Variants in NEDD9 observed in about 807,000 individuals in gnomAD.
NEDD9 encodes the protein neural precursor cell expressed, developmentally down-regulated 9.
In NEDD9, 26 loss-of-function variants were observed where a neutral mutation model predicts 76.6. The ratio of observed to expected loss-of-function variants is 0.34; its 90% CI spans 0.25 to 0.47. The LOEUF is 0.47. Ranked by LOEUF, NEDD9 falls within the 20% of genes least tolerant of loss-of-function variation. NEDD9 has a pLI of 1.00. For synonymous variants in NEDD9, 392 were observed against 414.2 expected, an observed-to-expected ratio of 0.95 and a Z score of 0.65; for missense variants, 937 against 1,058.5, an observed-to-expected ratio of 0.89 and a Z score of 1.59.
chr6:11,331,093 C>T (rs1227039058), intron 2 of NEDD9, among the ~76,000 whole-genome samples: 1 of 152,160 alleles, frequency 6.6e-6, no homozygotes, highest in Non-Finnish European at 1.5e-5. Context: ...TCAAACCAAA[C>T]CCAAAATGCT....
At chr6:11,253,582 C>T (rs772426639) in intron 3 of NEDD9, among the ~76,000 whole-genome samples, 7 of 152,098 alleles carry the variant, frequency 4.6e-5, no homozygotes, top group Non-Finnish European at 8.8e-5. Flanking sequence ...CTAGTTTCCA[C>T]GTTTAAATTT....
At chr6:11,379,682 C>A (rs556572449) in intron 1 of NEDD9, among the ~76,000 whole-genome samples, 1 of 151,488 alleles carries the variant, frequency 6.6e-6, no homozygotes, top group African/African-American at 2.4e-5. Context: ...AAAAACAGGC[C>A]GTTGTGGTTT....
intron 1 of NEDD9, among the ~76,000 whole-genome samples, chr6:11,378,270 G>GT (rs1475129327): frequency 6.6e-6 from 1 of 152,152 alleles, no homozygotes; most frequent in African/African-American, 2.4e-5. Flanking sequence ...GTTTAAAAGA[G>GT]TGTGGCACCT....
At chr6:11,237,558 T>TAAA (rs1759629471), upstream of NEDD9, among the ~76,000 whole-genome samples, 1 of 152,156 alleles carries the variant, frequency 6.6e-6, no homozygotes, top group South Asian at 2.1e-4. The surrounding 1 kb of genome is among the most constrained non-coding windows in gnomAD (Gnocchi z 4.9). Flanking sequence ...TTTACATTTT[T>TAAA]AAGTGGTTGG....
chr6:11,278,793 T>C (rs1760469836), intron 3 of NEDD9, among the ~76,000 whole-genome samples: 1 of 152,134 alleles, frequency 6.6e-6, no homozygotes, highest in African/African-American at 2.4e-5. Context: ...TTCAGCATGC[T>C]GCCAACATTC....
intron 5 of NEDD9, 91 bp from the exon 6 acceptor site, chr6:11,188,398 A>G: frequency 9.0e-7 from 1 of 1,105,304 alleles, no homozygotes; most frequent in Non-Finnish European, 1.4e-6. Context: ...AATACTCTTT[A>G]TTTTCCACTG....
At chr6:11,282,287 A>C (rs1385914998) in intron 3 of NEDD9, among the ~76,000 whole-genome samples, 1 of 152,172 alleles carries the variant, frequency 6.6e-6, no homozygotes, top group African/African-American at 2.4e-5. Context: ...ACATGTTACC[A>C]TGCTTTCCAG....
chr6:11,236,655 G>C (rs1000170025), upstream of NEDD9, among the ~76,000 whole-genome samples: 2 of 152,202 alleles, frequency 1.3e-5, no homozygotes, highest in African/African-American at 2.4e-5. The surrounding 1 kb of genome is among the most constrained non-coding windows in gnomAD (Gnocchi z 5.5). Flanking sequence ...ACAGCAATTG[G>C]TGGTGAGGTC....
chr6:11,345,178 G>A (rs755907194), intron 1 of NEDD9, among the ~76,000 whole-genome samples: 4 of 152,196 alleles, frequency 2.6e-5, no homozygotes, highest in Non-Finnish European at 4.4e-5. Flanking sequence ...TAGAGAAGAA[G>A]GAGGGAGAAG....
chr6:11,350,839 G>T (rs1478747167), intron 1 of NEDD9, among the ~76,000 whole-genome samples: 2 of 152,114 alleles, frequency 1.3e-5, no homozygotes, highest in Non-Finnish European at 2.9e-5. Flanking sequence ...ACACTCGGGG[G>T]CTCATGTCAG....
intron 2 of NEDD9, among the ~76,000 whole-genome samples, chr6:11,331,259 T>C (rs1227450375): frequency 6.6e-6 from 1 of 150,718 alleles, no homozygotes; most frequent in Non-Finnish European, 1.5e-5. Flanking sequence ...GCTAAAAAGA[T>C]AAAAATTGTT....
chr6:11,245,200 C>G (rs570319594), intron 3 of NEDD9, among the ~76,000 whole-genome samples: 10 of 152,248 alleles, frequency 6.6e-5, no homozygotes, highest in Non-Finnish European at 1.3e-4. Flanking sequence ...TTTTCTGTGG[C>G]TGCTATGATG....
At chr6:11,308,512 G>A (rs1412930578) in intron 2 of NEDD9, among the ~76,000 whole-genome samples, 1 of 151,288 alleles carries the variant, frequency 6.6e-6, no homozygotes, top group Non-Finnish European at 1.5e-5. Context: ...TGGGACTACA[G>A]GCGCCCGCCA....
In NEDD9 at chr6:11,262,563, G is replaced by A. The variant is rs114661705; in HGVS notation, c.12+43429C>T. ...TTAGGAATTTATGTGTGGTTGGAAC[G>A]GGGAAATATGACTATTCTGGAAGCT... is the stretch of plus-strand genomic sequence containing the variant. On this transcript the variant is annotated intron_variant, in intron 3 of 3. Transcript: ENST00000397378. Among the ~76,000 whole-genome samples the A allele has an allele frequency of 6.0e-3, 909 of 152,282 alleles. 14 individuals are homozygous for A. The highest frequency in any genetic ancestry group is 0.021 in the African/African-American group (859 of 41,554).
Position 11,189,922 on chromosome 6 carries a change from A to G in NEDD9, c.1905+42T>C, listed in dbSNP as rs781110111. The stretch of plus-strand genomic sequence containing the variant: ...TAGGCATCTTTCTCAGGCTCCCTGC[A>G]TGTGAGTGAGTGTAGGTGTTTTATG... On this transcript the variant is annotated intron_variant, in intron 5 of 6. Coordinates refer to ENST00000379446, the MANE Select transcript of NEDD9 (RefSeq NM_006403.4). 6 of 1,502,130 alleles carry G rather than the reference A, an allele frequency of 4.0e-6. No homozygotes were observed. The African/African-American group carries it at 4.2e-5, about 10-fold the overall frequency. 93.1% of individuals were successfully genotyped at this position (1,502,130 alleles called of 1,614,324 possible). A position where few individuals can be genotyped will look rare whatever the true frequency, so the allele number is the denominator to read the frequency against.
At chr6:11,374,044 A>C (rs1170401717) in intron 1 of NEDD9, among the ~76,000 whole-genome samples, 1 of 150,796 alleles carries the variant, frequency 6.6e-6, no homozygotes, top group Admixed American at 6.6e-5. Context: ...CATAAAATAA[A>C]TCTCTCTCTC....
chr6:11,309,542 T>C (rs1409281160), intron 2 of NEDD9, among the ~76,000 whole-genome samples: 1 of 152,230 alleles, frequency 6.6e-6, no homozygotes, highest in African/African-American at 2.4e-5. Flanking sequence ...GAACCTTGCC[T>C]GCTTTGTTTT....
intron 3 of NEDD9, among the ~76,000 whole-genome samples, chr6:11,293,954 C>G (rs376168912): frequency 6.6e-6 from 1 of 151,926 alleles, no homozygotes; most frequent in South Asian, 2.1e-4. Context: ...CACATTGTCA[C>G]AAATGACAGG....
chr6:11,220,320 C>T (rs147989417), intron 1 of NEDD9, among the ~76,000 whole-genome samples: 227 of 152,304 alleles, frequency 1.5e-3, no homozygotes, highest in Admixed American at 3.7e-3. Context: ...TGGACCCCCC[C>T]GCCGAATCTT....
Sources: allele counts gnomAD v4.1 joint callset (sites outside exome capture counted in the v4.1 genomes callset), GRCh38; gene constraint gnomAD v4.1.1; non-coding constraint Gnocchi (gnomAD v3.1); transcripts MANE v1.5; gene names NCBI Gene and HGNC (gene_info 2026-07-23, HGNC 2026-07-21).